The following ZMYM2 variants were observed in gnomAD, a reference collection of about 807,000 sequenced individuals.
ZMYM2 encodes the protein zinc finger MYM-type protein 2.
Under a neutral mutation model 162.8 loss-of-function variants are expected in ZMYM2, and 56 were observed. The ratio of observed to expected loss-of-function variants is 0.34; its 90% CI spans 0.28 to 0.43. The LOEUF (loss-of-function observed/expected upper bound fraction) is 0.43, where lower values mean the gene tolerates loss of function less well. Ranked by LOEUF, ZMYM2 falls within the 20% of genes least tolerant of loss-of-function variation. ZMYM2 has a pLI of 1.00. For missense variants in ZMYM2, 1,275 were observed against 1,621.8 expected (o/e 0.79, Z 3.67); for synonymous variants, 510 against 541.6 (o/e 0.94, Z 0.81).
chr13:19,869,997 CAG>C, the ZMYM2 span, among the ~76,000 whole-genome samples: 1 of 152,132 alleles, frequency 6.6e-6, no homozygotes, highest in Non-Finnish European at 1.5e-5. Context: ...GGCCCTGACT[CAG>C]GGTCTCTCAT....
At chr13:20,040,526 C>G (rs1954152238) in intron 12 of ZMYM2, among the ~76,000 whole-genome samples, 1 of 151,720 alleles carries the variant, frequency 6.6e-6, no homozygotes, top group East Asian at 1.9e-4. Context: ...ATCCCGCCCA[C>G]CCCTGCACGC....
At chr13:19,991,650 A>G (rs1284482740) in intron 2 of ZMYM2, among the ~76,000 whole-genome samples, 3 of 116,004 alleles carry the variant, frequency 2.6e-5, no homozygotes, top group Non-Finnish European at 5.2e-5. Flanking sequence ...TCCCATTTTG[A>G]GACAGGTTCT....
At position 20,045,049 on chromosome 13, in the gene ZMYM2, CAAAAAAAAAA is replaced by C. The variant is rs933854935; in HGVS notation, c.2293-6370_2293-6361del. On this transcript the variant is annotated intron_variant, in intron 12 of 24. Coordinates refer to ENST00000610343, the MANE Select transcript of ZMYM2 (RefSeq NM_197968.4). Reference sequence around the variant, plus strand: ...CGGGCGACAGAGCAAGACTCTGTGTCAAAAAAAAAAAAAAAAAAAAAAAGCATGTGAAGAC... The same window carrying C: ...CGGGCGACAGAGCAAGACTCTGTGTCAAAAAAAAAAAAAGCATGTGAAGAC... Among the ~76,000 whole-genome samples, 50 of 47,458 alleles carry C rather than the reference CAAAAAAAAAA, an allele frequency of 1.1e-3. No individual in the cohort carries two copies. In the East Asian group the frequency reaches 0.03, roughly 29 times the overall value. 31.1% of individuals were successfully genotyped at this position (47,458 alleles called of 152,430 possible). A position where few individuals can be genotyped will look rare whatever the true frequency, so the allele number is the denominator to read the frequency against.
At chr13:19,892,769 C>T in the ZMYM2 span, among the ~76,000 whole-genome samples, 1 of 149,832 alleles carries the variant, frequency 6.7e-6, no homozygotes. Context: ...GGCTGGGTTG[C>T]AGTGGTGTAA....
chr13:19,992,975 A>C (rs1186238783), intron 2 of ZMYM2, 88 bp from the exon 3 acceptor site: 1 of 1,389,436 alleles, frequency 7.2e-7, no homozygotes, highest in Non-Finnish European at 9.6e-7. Flanking sequence ...AAAATAAAAT[A>C]AAAGTACCCT....
chr13:19,963,878 C>G (rs906578054), intron 2 of ZMYM2, among the ~76,000 whole-genome samples: 2 of 152,056 alleles, frequency 1.3e-5, no homozygotes, highest in African/African-American at 4.8e-5. Flanking sequence ...AGCAAAATCA[C>G]TTGATTAGTA....
At chr13:19,951,029 A>T in the ZMYM2 span, among the ~76,000 whole-genome samples, 2 of 152,060 alleles carry the variant, frequency 1.3e-5, no homozygotes, top group African/African-American at 2.4e-5. Context: ...GTGATTTTTT[A>T]ATTTATTTAT....
In ZMYM2 at chr13:20,088,596, A is replaced by T. The variant is rs1188292522; in HGVS notation, c.*2582A>T. On this transcript the variant is annotated 3_prime_UTR_variant, in exon 25 of 25. Coordinates refer to ENST00000610343, the MANE Select transcript of ZMYM2 (RefSeq NM_197968.4). ...ACTGTATTAGGTAACATAGATATTA[A>T]AGGATTTTTCTAGGCAAGAAGCTCA... 4 of 194,628 alleles carry T rather than the reference A, an allele frequency of 2.1e-5. No individual in the cohort carries two copies. The highest frequency in any genetic ancestry group is 4.3e-5 in the Non-Finnish European group (4 of 93,512). The allele number at this position is 194,628 out of a possible 1,614,324, so 12.1% of individuals were successfully genotyped here. A position where few individuals can be genotyped will look rare whatever the true frequency, so the allele number is the denominator to read the frequency against.
rs548102275 is a variant in ZMYM2, at chr13:20,082,985, C to T, written c.3773C>T (p.Ala1258Val). The change falls in exon 23 of 25, where the codon GCG becomes GTG. Residue 1258 changes from alanine (A) to valine (V), a missense_variant. Physicochemically the swap from Ala to Val is moderately conservative, Grantham distance 64. Around this residue, in one of 10 missense-constraint regions of ZMYM2, gnomAD observed 103 missense variants for 192.2 expected, o/e 0.54. Transcript: ENST00000610343. ...AATCCTTTAACGATGGAAAACAAAG[C>T]GTGTCTTCGATACCAAGTGTCTTCC... ...KKNPLTMENK[A>V]CLRYQVSSLC... 21 of 1,613,856 alleles carry T rather than the reference C, an allele frequency of 1.3e-5. No homozygotes were observed. In the East Asian group the frequency reaches 2.9e-4, roughly 22 times the overall value.
At chr13:19,927,715 C>G in the ZMYM2 span, among the ~76,000 whole-genome samples, 1 of 152,224 alleles carries the variant, frequency 6.6e-6, no homozygotes, top group East Asian at 1.9e-4. Flanking sequence ...TGAGAGAATG[C>G]CAAATAATTT....
intron 1 of ZMYM2, among the ~76,000 whole-genome samples, chr13:19,959,318 C>T (rs962280262): frequency 3.9e-5 from 6 of 152,080 alleles, no homozygotes; most frequent in Non-Finnish European, 1.5e-5. Context: ...CCACCCTGTC[C>T]ACCGGAGCCG....
the ZMYM2 span, among the ~76,000 whole-genome samples, chr13:19,939,366 TA>T: frequency 3.3e-5 from 5 of 152,050 alleles, no homozygotes; most frequent in African/African-American, 4.8e-5. Context: ...AATACTTATC[TA>T]AATTTAAAAA....
chr13:20,043,765 G>T (rs867019361), intron 12 of ZMYM2, among the ~76,000 whole-genome samples: 49 of 152,134 alleles, frequency 3.2e-4, no homozygotes, highest in African/African-American at 1.2e-3. Context: ...ACACACGTGG[G>T]TGCTGGCTGG....
chr13:20,047,025 T>C (rs1954892621), intron 12 of ZMYM2, among the ~76,000 whole-genome samples: 1 of 152,200 alleles, frequency 6.6e-6, no homozygotes, highest in Admixed American at 6.5e-5. Context: ...TTGTATAATA[T>C]ACATAATAGG....
At chr13:20,011,731 C>T (rs531442017) in intron 6 of ZMYM2, among the ~76,000 whole-genome samples, 1 of 151,292 alleles carries the variant, frequency 6.6e-6, no homozygotes, top group South Asian at 2.1e-4. Flanking sequence ...AGGTGTGTGC[C>T]ACCATGCCTA....
At chr13:20,082,323 A>C (rs1957965788) in intron 22 of ZMYM2, among the ~76,000 whole-genome samples, 193 bp downstream of exon 22, 1 of 152,184 alleles carries the variant, frequency 6.6e-6, no homozygotes, top group Non-Finnish European at 1.5e-5. Context: ...TTTATGAAGA[A>C]CTTTGTAAGA....
chr13:19,994,050 A>C, intron 3 of ZMYM2, 131 bp downstream of exon 3: 1 of 1,136,158 alleles, frequency 8.8e-7, no homozygotes, highest in South Asian at 1.8e-5. Flanking sequence ...ATTGAATTTT[A>C]TCTTAAGTTT....
chr13:19,987,388 C>G (rs57836671), intron 2 of ZMYM2, among the ~76,000 whole-genome samples: 1 of 151,766 alleles, frequency 6.6e-6, no homozygotes, highest in Admixed American at 6.6e-5. Flanking sequence ...CTCAGCCTCC[C>G]GAGTAGCTGG....
intron 2 of ZMYM2, among the ~76,000 whole-genome samples, chr13:19,966,674 C>G (rs1319226337): frequency 6.6e-6 from 1 of 152,098 alleles, no homozygotes; most frequent in African/African-American, 2.4e-5. Flanking sequence ...CTCCTGACCT[C>G]AGGTGATCTG....
Sources: gnomAD v4.1 joint callset for allele counts (sites outside exome capture counted in the v4.1 genomes callset) on GRCh38, gnomAD v4.1.1 for gene constraint, gnomAD v4.1.1 regional missense constraint, MANE v1.5 for transcripts, NCBI Gene and HGNC (gene_info 2026-07-23, HGNC 2026-07-21) for gene names.